TENM4: variants seen among roughly 807,000 people sequenced by gnomAD.
The protein encoded by TENM4 is teneurin transmembrane protein 4, also known as teneurin-4.
TENM4 carries 82 observed loss-of-function variants against 243.3 expected under a neutral mutation model. That is an observed-to-expected ratio of 0.34 (90% CI 0.28 to 0.40). The LOEUF is 0.40. Ranked by LOEUF, TENM4 falls within the 10% of genes least tolerant of loss-of-function variation. The pLI is 1.00. For missense variants in TENM4, 3,138 were observed against 3,673.3 expected (o/e 0.85, Z 3.77); for synonymous variants, 1,412 against 1,456.3 (o/e 0.97, Z 0.69).
intron 3 of TENM4, among the ~76,000 whole-genome samples, chr11:79,209,451 TG>T: frequency 6.6e-6 from 1 of 152,200 alleles, no homozygotes; most frequent in Non-Finnish European, 1.5e-5. Context: ...GCACAATCTG[TG>T]GCACCTTTTA....
intron 1 of TENM4, among the ~76,000 whole-genome samples, chr11:79,420,748 C>T (rs1858914743): frequency 6.6e-6 from 1 of 152,110 alleles, no homozygotes; most frequent in Non-Finnish European, 1.5e-5. Flanking sequence ...TATTACCCCT[C>T]CACATGCTCA....
chr11:79,151,961 G>A lies in TENM4; in HGVS notation c.-162-3155C>T, dbSNP rs149039670. Among the ~76,000 whole-genome samples, 365 of 152,266 alleles carry A rather than the reference G, an allele frequency of 2.4e-3. 2 individuals carry two copies. Among genetic ancestry groups the A allele is most frequent in the Non-Finnish European group, 4.0e-3 (270 of 68,022 alleles). ...GTGGCTGGCACACAGATGTCAATGAGTGACTGATTGATTAAAATTAGATGA... is the reference window on the plus strand; with the variant it reads ...GTGGCTGGCACACAGATGTCAATGAATGACTGATTGATTAAAATTAGATGA... On this transcript the variant is annotated intron_variant, in intron 3 of 33. Coordinates refer to ENST00000278550, the MANE Select transcript of TENM4 (RefSeq NM_001098816.3).
chr11:78,929,027 C>T (rs551424923), intron 6 of TENM4, among the ~76,000 whole-genome samples: 2 of 152,254 alleles, frequency 1.3e-5, no homozygotes, highest in East Asian at 3.9e-4. Context: ...CTCTGGAAAC[C>T]CACCCCATCT....
chr11:79,359,045 C>T (rs1857546534), intron 1 of TENM4, among the ~76,000 whole-genome samples: 1 of 150,772 alleles, frequency 6.6e-6, no homozygotes, highest in Admixed American at 6.6e-5. Context: ...GTGGAAGGAT[C>T]ACTTGAGGCC....
chr11:79,239,238 A>T (rs1458344148), intron 2 of TENM4, among the ~76,000 whole-genome samples: 1 of 152,174 alleles, frequency 6.6e-6, no homozygotes, highest in Non-Finnish European at 1.5e-5. Context: ...TTTCTCATCA[A>T]ACCAGTCTTG....
At chr11:78,736,916 T>C (rs574138741) in intron 20 of TENM4, among the ~76,000 whole-genome samples, 5 of 152,120 alleles carry the variant, frequency 3.3e-5, no homozygotes, top group Non-Finnish European at 7.4e-5. Flanking sequence ...ATGCTCTCAG[T>C]GGGCAGTAGA....
intron 3 of TENM4, among the ~76,000 whole-genome samples, chr11:79,176,582 CT>C (rs983834364): frequency 2.0e-4 from 30 of 152,318 alleles, no homozygotes; most frequent in Non-Finnish European, 3.5e-4. Context: ...CTCAATAGTA[CT>C]TTTAATTACT....
chr11:79,351,133 C>A (rs1186346369), intron 1 of TENM4, among the ~76,000 whole-genome samples: 2 of 152,182 alleles, frequency 1.3e-5, no homozygotes, highest in African/African-American at 4.8e-5. Context: ...TTAAGGTTTT[C>A]CCCCTGAAAG....
intron 4 of TENM4, among the ~76,000 whole-genome samples, chr11:79,122,759 C>T (rs565703119): frequency 1.3e-5 from 2 of 152,340 alleles, no homozygotes; most frequent in East Asian, 1.9e-4. Context: ...ACTGTCCATC[C>T]TTCCCCCACT....
At chr11:79,211,774 A>G (rs1863961137) in intron 3 of TENM4, among the ~76,000 whole-genome samples, 1 of 152,266 alleles carries the variant, frequency 6.6e-6, no homozygotes, top group Admixed American at 6.5e-5. Context: ...AAATTTTGAC[A>G]GATATAATCC....
At chr11:78,696,680 T>C (rs1858972797) in intron 28 of TENM4, among the ~76,000 whole-genome samples, 1 of 152,284 alleles carries the variant, frequency 6.6e-6, no homozygotes, top group Non-Finnish European at 1.5e-5. Context: ...TCCCTCAAGG[T>C]CCACAGTTCA....
At chr11:78,827,471 C>CTATTTATTTATT (rs55871470) in intron 12 of TENM4, among the ~76,000 whole-genome samples, 3,245 of 146,094 alleles carry the variant, frequency 0.022, 48 homozygotes, top group African/African-American at 0.035. Flanking sequence ...CCTTCAAAGC[C>CTATTTATTTATT]TATTTATTTA....
Position 78,756,819 on chromosome 11 carries a change from G to T in TENM4, c.2742C>A (p.Asn914Lys). ...RDSTHIIPGENPFDGGHACVI... is the reference protein window; with the variant it reads ...RDSTHIIPGEKPFDGGHACVI... ...CTCGGACTCACCCTCCATCAAAGGGGTTCTCCCCGGGGATTATGTGCGTGC... is the reference window on the plus strand; with the variant it reads ...CTCGGACTCACCCTCCATCAAAGGGTTTCTCCCCGGGGATTATGTGCGTGC... Residue 914 changes from asparagine to lysine, a missense_variant, in exon 19 of 34, where the codon AAC becomes AAA. Physicochemically the swap from Asn to Lys is moderately conservative, Grantham distance 94 (BLOSUM62 0). Around this residue, in one of 2 missense-constraint regions of TENM4, gnomAD observed 2,467 missense variants for 3,059.1 expected, o/e 0.81. Transcript: ENST00000278550. 1 of 1,613,504 alleles carries T rather than the reference G, an allele frequency of 6.2e-7. No homozygotes were observed. Among genetic ancestry groups the T allele is most frequent in the East Asian group, 2.2e-5 (1 of 44,850 alleles).
intron 6 of TENM4, among the ~76,000 whole-genome samples, chr11:78,997,554 G>A (rs917677928): frequency 1.3e-5 from 2 of 152,178 alleles, no homozygotes; most frequent in Admixed American, 1.3e-4. Flanking sequence ...GATGGCTGCA[G>A]GAGAAAGGAC....
At chr11:78,918,565 C>T (rs757293577) in intron 6 of TENM4, among the ~76,000 whole-genome samples, 25 of 152,110 alleles carry the variant, frequency 1.6e-4, no homozygotes, top group Non-Finnish European at 3.1e-4. Flanking sequence ...ATAACCACAG[C>T]GGTCACTGTT....
chr11:78,671,697 T>C (rs143934173), intron 31 of TENM4, among the ~76,000 whole-genome samples: 242 of 152,322 alleles, frequency 1.6e-3, no homozygotes, highest in African/African-American at 5.6e-3. Flanking sequence ...TCTCCACAAC[T>C]GGATTGTACC....
chr11:79,094,588 G>T (rs1256129329), intron 4 of TENM4, among the ~76,000 whole-genome samples: 4 of 152,170 alleles, frequency 2.6e-5, no homozygotes, highest in African/African-American at 9.6e-5. Flanking sequence ...GGGGGGTGGG[G>T]GATATTGTCC....
intron 15 of TENM4, among the ~76,000 whole-genome samples, chr11:78,790,663 C>A (rs1857037131): frequency 6.6e-6 from 1 of 152,146 alleles, no homozygotes; most frequent in Non-Finnish European, 1.5e-5. Flanking sequence ...ATCCTTGGAA[C>A]AGTACTTCAA....
rs147726975 is a variant in TENM4, at chr11:78,959,045, T to G, written c.494-55522A>C. Among the ~76,000 whole-genome samples, 14 of 152,338 alleles carry G rather than the reference T, an allele frequency of 9.2e-5. No individual in the cohort carries two copies. The East Asian group carries it at 2.5e-3, about 27-fold the overall frequency. On this transcript the variant is annotated intron_variant, in intron 6 of 33. Coordinates refer to ENST00000278550, the MANE Select transcript of TENM4 (RefSeq NM_001098816.3). ...AGAGGTTGGAAACATTGCCTAGAGT[T>G]GCACATCTGGGATCCAATTTCAGGC...
Sources: allele counts gnomAD v4.1 joint callset (sites outside exome capture counted in the v4.1 genomes callset), GRCh38; gene constraint gnomAD v4.1.1; regional missense constraint gnomAD v4.1.1; transcripts MANE v1.5; gene names NCBI Gene and HGNC (gene_info 2026-07-23, HGNC 2026-07-21).